The following CSMD1 variants were observed in gnomAD, a reference collection of about 807,000 sequenced individuals.
The protein encoded by CSMD1 is CUB and Sushi multiple domains 1.
CSMD1 carries 213 observed loss-of-function variants against 417.5 expected under a neutral mutation model. The ratio of observed to expected loss-of-function variants is 0.51; its 90% confidence interval spans 0.46 to 0.57. The LOEUF is 0.57. Among genes scored for constraint, CSMD1 ranks in the 20% least tolerant of loss-of-function variants. The pLI, the probability that CSMD1 is intolerant of heterozygous loss-of-function variation, is 0.00. For synonymous variants in CSMD1, 2,862 were observed against 1,736.8 expected, an observed-to-expected ratio of 1.65 and a Z score of -16.11; for missense variants, 6,923 against 4,529.7, an observed-to-expected ratio of 1.53 and a Z score of -15.17.
At chr8:3,854,077 A>G (rs902015551) in intron 5 of CSMD1, among the ~76,000 whole-genome samples, 5 of 146,432 alleles carry the variant, frequency 3.4e-5, no homozygotes, top group African/African-American at 1.2e-4. Context: ...AGCATATAAT[A>G]TACTAAAGAA....
intron 3 of CSMD1, among the ~76,000 whole-genome samples, chr8:4,155,900 T>G (rs1018678094): frequency 6.6e-6 from 1 of 152,116 alleles, no homozygotes; most frequent in Non-Finnish European, 1.5e-5. Flanking sequence ...TCCCAGTAAG[T>G]GCGGGAATGA....
chr8:3,798,007 G>A (rs576680561), intron 5 of CSMD1, among the ~76,000 whole-genome samples: 1 of 151,866 alleles, frequency 6.6e-6, no homozygotes, highest in Non-Finnish European at 1.5e-5. Context: ...GAAGATTATT[G>A]ATGTTGATAA....
In CSMD1 at chr8:3,894,248, T is replaced by C. The variant is rs185348791; in HGVS notation, c.818+103655A>G. Among the ~76,000 whole-genome samples, 15 of 152,274 alleles carry C rather than the reference T, an allele frequency of 9.9e-5. No homozygotes were observed. In the East Asian group the frequency reaches 2.9e-3, roughly 29 times the overall value. On this transcript the variant is annotated intron_variant, in intron 5 of 69. Coordinates refer to ENST00000635120, the MANE Select transcript of CSMD1 (RefSeq NM_033225.6). The stretch of plus-strand genomic sequence containing the variant: ...AGGTATCACAACAGCTGTCAACATC[T>C]GCAGTCCCATCTCCACACTGTAATC...
intron 3 of CSMD1, among the ~76,000 whole-genome samples, chr8:4,067,084 G>A (rs1486706288): frequency 9.9e-5 from 15 of 152,234 alleles, no homozygotes; most frequent in African/African-American, 2.7e-4. Flanking sequence ...CAGACACAGA[G>A]AAGGGTACAA....
At chr8:3,987,009 C>A (rs1814380465) in intron 5 of CSMD1, among the ~76,000 whole-genome samples, 1 of 152,188 alleles carries the variant, frequency 6.6e-6, no homozygotes, top group Non-Finnish European at 1.5e-5. Flanking sequence ...CCTGCCTCAG[C>A]CTCCCAAAGT....
rs372923257 is a variant in CSMD1, at chr8:4,177,606, G to A, written c.416-145507C>T. On this transcript the variant is annotated intron_variant, in intron 3 of 69. Coordinates refer to ENST00000635120, the MANE Select transcript of CSMD1 (RefSeq NM_033225.6). ...GAGCAGAACTGAAGGAAATAGAGAT[G>A]CAAATAACCCTTCAAAAAATTAATG... is the stretch of plus-strand genomic sequence containing the variant. Among the ~76,000 whole-genome samples the A allele has an allele frequency of 4.0e-5, 6 of 149,686 alleles. No homozygotes were observed. The Admixed American group carries it at 4.0e-4, about 10-fold the overall frequency.
In CSMD1 at chr8:4,703,212, G is replaced by C. The variant is rs538276508; in HGVS notation, c.86-65654C>G. Among the ~76,000 whole-genome samples the C allele has an allele frequency of 9.2e-5, 14 of 152,270 alleles. No homozygotes were observed. The East Asian group carries it at 2.7e-3, about 29-fold the overall frequency. On this transcript the variant is annotated intron_variant, in intron 1 of 69. Transcript: ENST00000635120. ...ACAAAATTCAGTGGATGATGCTATA[G>C]CTCATACAGTGTAAACCAACGGTTC...
chr8:3,880,252 C>G (rs1647872095), intron 5 of CSMD1, among the ~76,000 whole-genome samples: 1 of 152,156 alleles, frequency 6.6e-6, no homozygotes, highest in African/African-American at 2.4e-5. Flanking sequence ...CTTCTCTTAA[C>G]ATTCATGAGA....
At chr8:3,968,322 G>T (rs1474318) in intron 5 of CSMD1, among the ~76,000 whole-genome samples, 78,291 of 151,688 alleles carry the variant, frequency 0.52, 20,440 homozygotes, top group East Asian at 0.79. Flanking sequence ...AGTATTGCCT[G>T]GACAGAGGGC....
At chr8:4,414,209 T>G (rs555398034) in intron 3 of CSMD1, among the ~76,000 whole-genome samples, 2 of 152,202 alleles carry the variant, frequency 1.3e-5, no homozygotes, top group Non-Finnish European at 2.9e-5. Context: ...GATCCACAGG[T>G]GTTAAAGAAA....
intron 5 of CSMD1, among the ~76,000 whole-genome samples, chr8:3,839,654 G>GA (rs112068635): frequency 0.1 from 12,651 of 120,814 alleles, 723 homozygotes; most frequent in African/African-American, 0.17. Context: ...CTTCAACTCA[G>GA]AAAAAAAAAA....
intron 3 of CSMD1, among the ~76,000 whole-genome samples, chr8:4,119,584 GTTC>G (rs1802362843): frequency 2.7e-5 from 1 of 37,414 alleles, no homozygotes; most frequent in Admixed American, 3.8e-4. Flanking sequence ...TAATAGTAGT[GTTC>G]TTCTATCTAG....
At chr8:4,017,812 T>C (rs1032510544) in intron 4 of CSMD1, among the ~76,000 whole-genome samples, 1 of 152,176 alleles carries the variant, frequency 6.6e-6, no homozygotes, top group African/African-American at 2.4e-5. Context: ...AAAGATAACA[T>C]TTCTGGAGAT....
chr8:4,030,983 C>A (rs1253755548), intron 4 of CSMD1, among the ~76,000 whole-genome samples: 1 of 152,136 alleles, frequency 6.6e-6, no homozygotes, highest in East Asian at 1.9e-4. Flanking sequence ...CAGTTATGAA[C>A]AAGTTTCTCA....
intron 3 of CSMD1, among the ~76,000 whole-genome samples, chr8:4,258,737 T>C (rs532589260): frequency 1.3e-5 from 2 of 152,100 alleles, no homozygotes; most frequent in South Asian, 4.2e-4. Context: ...CAGCAATGTA[T>C]GAGGACACAG....
At chr8:3,902,581 G>A (rs1807827724) in intron 5 of CSMD1, among the ~76,000 whole-genome samples, 1 of 152,012 alleles carries the variant, frequency 6.6e-6, no homozygotes, top group South Asian at 2.1e-4. Flanking sequence ...TCACAGTAGG[G>A]TTCACGATCC....
intron 5 of CSMD1, among the ~76,000 whole-genome samples, chr8:3,813,049 T>C (rs1008932633): frequency 1.3e-5 from 2 of 152,020 alleles, no homozygotes; most frequent in Admixed American, 6.6e-5. Flanking sequence ...AATTGAGTGT[T>C]GTATAAAGGC....
intron 1 of CSMD1, among the ~76,000 whole-genome samples, chr8:4,793,948 TG>T (rs1437511429): frequency 6.6e-6 from 1 of 152,122 alleles, no homozygotes; most frequent in Admixed American, 6.6e-5. Context: ...GAAAATGAAC[TG>T]GCACTTCTGT....
intron 7 of CSMD1, among the ~76,000 whole-genome samples, chr8:3,701,852 G>C (rs900009435): frequency 6.6e-6 from 1 of 152,154 alleles, no homozygotes; most frequent in Non-Finnish European, 1.5e-5. Flanking sequence ...CACAACAAAA[G>C]CCAGAGGGAG....
Sources: gnomAD v4.1 joint callset for allele counts (sites outside exome capture counted in the v4.1 genomes callset) on GRCh38, gnomAD v4.1.1 for gene constraint, MANE v1.5 for transcripts, NCBI Gene and HGNC (gene_info 2026-07-23, HGNC 2026-07-21) for gene names.